SNX25: variants seen among roughly 807,000 people sequenced by gnomAD.
SNX25 encodes sorting nexin 25, also known as sorting nexin-25.
Under a neutral mutation model 113.7 loss-of-function variants are expected in SNX25, and 62 were observed. The observed-to-expected ratio is 0.55, with a 90% CI of 0.44 to 0.67. The LOEUF (loss-of-function observed/expected upper bound fraction) is 0.67. Ranked by LOEUF, SNX25 falls within the 30% of genes least tolerant of loss-of-function variation. The pLI is 0.00. For missense variants in SNX25, 1,014 were observed against 1,161.0 expected (o/e 0.87, Z 1.84); for synonymous variants, 421 against 436.2 (o/e 0.97, Z 0.43).
chr4:185,289,096 A>C (rs780702459), intron 6 of SNX25, among the ~76,000 whole-genome samples: 15 of 152,160 alleles, frequency 9.9e-5, no homozygotes, highest in Non-Finnish European at 1.9e-4. Context: ...AAATATAGGT[A>C]TAGATTATGA....
At chr4:185,337,644 C>G (rs993426349) in intron 10 of SNX25, among the ~76,000 whole-genome samples, 2 of 152,116 alleles carry the variant, frequency 1.3e-5, no homozygotes, top group Non-Finnish European at 1.5e-5. Context: ...TATGCTAATT[C>G]TGTTTTTAAT....
intron 5 of SNX25, among the ~76,000 whole-genome samples, chr4:185,270,365 G>A (rs910231355): frequency 6.6e-6 from 1 of 152,276 alleles, no homozygotes; most frequent in East Asian, 1.9e-4. Context: ...AATAGTGTGA[G>A]CCCTTAATCT....
At chr4:185,378,237 G>T in the SNX25 span, 1 of 1,603,224 alleles carries the variant, frequency 6.2e-7, no homozygotes, top group East Asian at 2.2e-5. Flanking sequence ...ATAAGTGGTA[G>T]AAATTTCTTC....
At chr4:185,322,250 G>A (rs1394723410) in intron 8 of SNX25, among the ~76,000 whole-genome samples, 3 of 152,192 alleles carry the variant, frequency 2.0e-5, no homozygotes, top group African/African-American at 4.8e-5. Flanking sequence ...GGCCGACATG[G>A]TGAAACCCTG....
intron 5 of SNX25, among the ~76,000 whole-genome samples, chr4:185,273,179 C>T (rs1489577687): frequency 6.6e-6 from 1 of 152,154 alleles, no homozygotes; most frequent in African/African-American, 2.4e-5. Flanking sequence ...AAAAACCTCC[C>T]AAATAATGAT....
chr4:185,376,953 C>T, the SNX25 span: 2 of 1,613,974 alleles, frequency 1.2e-6, no homozygotes, highest in Admixed American at 3.3e-5. Flanking sequence ...GCCAGAGTGT[C>T]TCCTTTCAGT....
At chr4:185,367,138 G>C, downstream of SNX25, 1 of 1,475,060 alleles carries the variant, frequency 6.8e-7, no homozygotes. Flanking sequence ...CACACATTGT[G>C]AGGTGTTAGC....
At chr4:185,328,283 C>G (rs1488538666) in intron 9 of SNX25, among the ~76,000 whole-genome samples, 1 of 151,928 alleles carries the variant, frequency 6.6e-6, no homozygotes, top group Admixed American at 6.6e-5. Context: ...AAGACAAAGA[C>G]AGATTTTGAG....
At chr4:185,248,051 A>T (rs1388395456) in intron 2 of SNX25, among the ~76,000 whole-genome samples, 2 of 152,184 alleles carry the variant, frequency 1.3e-5, no homozygotes, top group African/African-American at 4.8e-5. Context: ...AAGTTAAGAG[A>T]GCTGAACAAG....
At chr4:185,245,136 C>T (rs978567166) in intron 1 of SNX25, among the ~76,000 whole-genome samples, 2 of 151,510 alleles carry the variant, frequency 1.3e-5, no homozygotes, top group Admixed American at 6.6e-5. Context: ...ATATTTCTCA[C>T]GTGAAAAAAA....
chr4:185,224,128 G>T (rs1041296059), intron 1 of SNX25, among the ~76,000 whole-genome samples: 1 of 152,026 alleles, frequency 6.6e-6, no homozygotes, highest in Non-Finnish European at 1.5e-5. Context: ...TAGGCGGGTG[G>T]GTCACCTGAG....
chr4:185,332,837 T>A (rs1311583024), intron 10 of SNX25, 78 bp downstream of exon 10: 9 of 1,393,314 alleles, frequency 6.5e-6, no homozygotes, highest in Non-Finnish European at 8.8e-6. Flanking sequence ...GGTTGAGAAG[T>A]GTCAGTTTCT....
intron 14 of SNX25, among the ~76,000 whole-genome samples, chr4:185,352,475 C>G (rs994732994): frequency 2.0e-5 from 3 of 152,188 alleles, no homozygotes; most frequent in African/African-American, 7.2e-5. Context: ...ACCCACGGCC[C>G]CCCAAGCATC....
intron 2 of SNX25, among the ~76,000 whole-genome samples, chr4:185,250,619 A>G (rs145389326): frequency 6.6e-6 from 1 of 152,262 alleles, no homozygotes; most frequent in African/African-American, 2.4e-5. Flanking sequence ...ACCTAGTGCC[A>G]TTCCTTTCTT....
intron 1 of SNX25, among the ~76,000 whole-genome samples, chr4:185,234,992 T>G (rs1742402247): frequency 6.6e-6 from 1 of 152,196 alleles, no homozygotes; most frequent in African/African-American, 2.4e-5. Flanking sequence ...TTTGTCATGG[T>G]AATAATAAGG....
downstream of SNX25, chr4:185,374,548 C>T (rs910085663): frequency 3.4e-5 from 47 of 1,375,524 alleles, no homozygotes; most frequent in Admixed American, 7.9e-5. Flanking sequence ...GTGAAGTGTC[C>T]GCCCTCTGAC....
intron 2 of SNX25, among the ~76,000 whole-genome samples, chr4:185,248,963 A>G (rs774224364): frequency 4.6e-5 from 7 of 152,176 alleles, no homozygotes; most frequent in Non-Finnish European, 7.3e-5. Context: ...TTTTAGATTC[A>G]TCCATATTGT....
intron 3 of SNX25, 117 bp from the exon 4 acceptor site, chr4:185,264,320 AG>A (rs2126539069): frequency 4.2e-6 from 4 of 956,574 alleles, no homozygotes; most frequent in Non-Finnish European, 6.2e-6. Context: ...TTGATTATTT[AG>A]GAGATGGCAG....
chr4:185,259,224 A>T (rs983868877), intron 3 of SNX25, among the ~76,000 whole-genome samples, 160 bp downstream of exon 3: 39 of 146,636 alleles, frequency 2.7e-4, no homozygotes, highest in Admixed American at 1.8e-3. Context: ...CTGGTAGAGT[A>T]TTTTTTTTTT....
Sources: allele counts gnomAD v4.1 joint callset (sites outside exome capture counted in the v4.1 genomes callset), GRCh38; gene constraint gnomAD v4.1.1; transcripts MANE v1.5; gene names NCBI Gene and HGNC (gene_info 2026-07-23, HGNC 2026-07-21).